Variants in LIMS1 observed in about 807,000 individuals in gnomAD.
LIMS1 encodes LIM zinc finger domain containing 1.
Under a neutral mutation model 44.1 loss-of-function variants are expected in LIMS1, and 18 were observed. The observed-to-expected ratio is 0.41, with a 90% CI of 0.28 to 0.61. The LOEUF (loss-of-function observed/expected upper bound fraction) is 0.61, where lower values mean the gene tolerates loss of function less well. Among genes scored for constraint, LIMS1 ranks in the 20% least tolerant of loss-of-function variants. LIMS1 has a pLI of 0.32. For missense variants in LIMS1, 201 were observed against 422.0 expected (o/e 0.48, Z 4.59); for synonymous variants, 93 against 149.1 (o/e 0.62, Z 2.74).
At chr2:108,620,613 C>G (rs1032304203) in intron 1 of LIMS1, among the ~76,000 whole-genome samples, 2 of 152,186 alleles carry the variant, frequency 1.3e-5, no homozygotes, top group Non-Finnish European at 2.9e-5. Context: ...CCCATTCCAC[C>G]TTAAAGCCAA....
At chr2:108,617,683 C>T (rs759908591) in intron 1 of LIMS1, among the ~76,000 whole-genome samples, 9 of 152,122 alleles carry the variant, frequency 5.9e-5, no homozygotes, top group African/African-American at 2.2e-4. Flanking sequence ...AAAGGTTTCT[C>T]GGAAGAGATG....
At chr2:108,669,564 A>G (rs1445619111) in intron 2 of LIMS1, among the ~76,000 whole-genome samples, 2 of 152,188 alleles carry the variant, frequency 1.3e-5, no homozygotes, top group Non-Finnish European at 1.5e-5. Context: ...CAACTGATAC[A>G]TTAAAAATGG....
chr2:108,668,197 C>T (rs578110779), intron 2 of LIMS1, among the ~76,000 whole-genome samples: 84 of 152,186 alleles, frequency 5.5e-4, no homozygotes, highest in African/African-American at 2.0e-3. Flanking sequence ...ATTTCTTTGT[C>T]GTAAGAACAT....
At chr2:108,580,661 A>G (rs1685851099) in intron 1 of LIMS1, among the ~76,000 whole-genome samples, 1 of 152,208 alleles carries the variant, frequency 6.6e-6, no homozygotes, top group Non-Finnish European at 1.5e-5. Flanking sequence ...ATTCAGAAAC[A>G]GTTAAGAGGC....
chr2:108,547,065 G>C (rs115767134), intron 1 of LIMS1, among the ~76,000 whole-genome samples: 2,127 of 152,320 alleles, frequency 0.014, 48 homozygotes, highest in African/African-American at 0.048. Flanking sequence ...GTTTGAAGTT[G>C]TTTAATGTAA....
intron 1 of LIMS1, among the ~76,000 whole-genome samples, chr2:108,552,240 CTATA>C (rs1684771811): frequency 7.2e-6 from 1 of 138,786 alleles, no homozygotes; most frequent in Non-Finnish European, 1.5e-5. Flanking sequence ...GTTATATATA[CTATA>C]TATACTATAT....
At chr2:108,542,866 G>A (rs577516172) in intron 1 of LIMS1, among the ~76,000 whole-genome samples, 1 of 152,226 alleles carries the variant, frequency 6.6e-6, no homozygotes, top group Non-Finnish European at 1.5e-5. Context: ...CATTGGGTAA[G>A]ATTCAGTTCT....
chr2:108,612,027 T>TAAACACACACACACACACACACAC, intron 1 of LIMS1, among the ~76,000 whole-genome samples: 1 of 57,710 alleles, frequency 1.7e-5, no homozygotes, highest in Non-Finnish European at 3.3e-5. Flanking sequence ...TACACACACA[T>TAAACACACACACACACACACACAC]ATACACACAC....
intron 1 of LIMS1, among the ~76,000 whole-genome samples, chr2:108,616,909 T>G (rs1218540813): frequency 6.6e-6 from 1 of 152,212 alleles, no homozygotes. Flanking sequence ...TGGAGGGATA[T>G]TCTTGCTTTA....
Position 108,669,405 on chromosome 2 carries a change from GA to G in LIMS1, c.193-1364del, listed in dbSNP as rs111827506. ...ACTGGGCAACAGAGCGAGACTCTGG[GA>G]AAAAAAAAAAAGTTATTTTTTCTAG... On this transcript the variant is annotated intron_variant, in intron 2 of 9. Coordinates refer to ENST00000544547, the Ensembl canonical transcript of LIMS1. Among the ~76,000 whole-genome samples, 274 of 145,244 alleles carry G rather than the reference GA, an allele frequency of 1.9e-3. 1 individual carries two copies. Among genetic ancestry groups the G allele is most frequent in the South Asian group, 0.015 (71 of 4,592 alleles).
chr2:108,572,989 G>A (rs1685538436), intron 1 of LIMS1, among the ~76,000 whole-genome samples: 1 of 152,154 alleles, frequency 6.6e-6, no homozygotes, highest in African/African-American at 2.4e-5. Flanking sequence ...GTGTATGCTT[G>A]TCGGTGCTTC....
intron 1 of LIMS1, among the ~76,000 whole-genome samples, chr2:108,609,589 G>T (rs1390064710): frequency 6.6e-6 from 1 of 152,014 alleles, no homozygotes; most frequent in Non-Finnish European, 1.5e-5. Context: ...CCCTTTTCCT[G>T]GTGCCATTCT....
chr2:108,598,425 A>T (rs1446602822), intron 1 of LIMS1, among the ~76,000 whole-genome samples: 3 of 152,194 alleles, frequency 2.0e-5, no homozygotes, highest in African/African-American at 7.2e-5. Flanking sequence ...GGAAGGAGAG[A>T]CTGAGGAGTA....
At chr2:108,591,683 C>T (rs1686404591) in intron 1 of LIMS1, among the ~76,000 whole-genome samples, 6 of 151,958 alleles carry the variant, frequency 3.9e-5, no homozygotes, top group Admixed American at 6.6e-5. Context: ...TTGTCTTGAA[C>T]TCCTGGCCTC....
At position 108,552,590 on chromosome 2, in the gene LIMS1, G is replaced by GTGTGTGTGTGTGTGTA. The variant is rs1553451183; in HGVS notation, c.32+18011_32+18012insATGTGTGTGTGTGTGT. Among the ~76,000 whole-genome samples, 98 of 101,052 alleles carry GTGTGTGTGTGTGTGTA rather than the reference G, an allele frequency of 9.7e-4. 1 individual carries two copies. Among genetic ancestry groups the GTGTGTGTGTGTGTGTA allele is most frequent in the African/African-American group, 3.5e-3 (92 of 26,540 alleles). 66.3% of individuals were successfully genotyped at this position (101,052 alleles called of 152,430 possible). A position where few individuals can be genotyped will look rare whatever the true frequency, so the allele number is the denominator to read the frequency against. On this transcript the variant is annotated intron_variant, in intron 1 of 9. Coordinates refer to ENST00000544547, the Ensembl canonical transcript of LIMS1. ...GTGTATATATATATATTTTGGGTGT[G>GTGTGTGTGTGTGTGTA]TGTGTGTGTGTGTGTGTGTGTGTTT...
intron 1 of LIMS1, among the ~76,000 whole-genome samples, chr2:108,637,833 A>G (rs1431301779): frequency 6.6e-6 from 1 of 151,826 alleles, no homozygotes; most frequent in African/African-American, 2.4e-5. Context: ...TCAGAGAAAA[A>G]TCACCTAACC....
rs547506368 is a variant in LIMS1, at chr2:108,608,993, C to T, written c.33-50612C>T. 2.6e-5 allele frequency among the ~76,000 whole-genome samples: 4 copies of T among 152,242 alleles called. No individual in the cohort carries two copies. In the East Asian group the frequency reaches 7.7e-4, roughly 29 times the overall value. On this transcript the variant is annotated intron_variant, in intron 1 of 9. Transcript: ENST00000544547. ...TGCTATATTTTAACTTGCAGTTGGA[C>T]GGAGGGCACTCTGAAAGAAGTAGGG... is the stretch of plus-strand genomic sequence containing the variant.
chr2:108,677,887 T>C (rs1400094600), intron 7 of LIMS1, 92 bp from the exon 8 acceptor site: 20 of 1,525,840 alleles, frequency 1.3e-5, no homozygotes, highest in Non-Finnish European at 1.7e-5. Flanking sequence ...TAGTGATAAA[T>C]CCTCAATTTA....
intron 1 of LIMS1, among the ~76,000 whole-genome samples, chr2:108,599,154 C>T (rs1158555308): frequency 6.6e-6 from 1 of 152,050 alleles, no homozygotes; most frequent in Non-Finnish European, 1.5e-5. Flanking sequence ...TGTTTTTGTA[C>T]CCATTAACCA....
Sources: allele counts gnomAD v4.1 joint callset (sites outside exome capture counted in the v4.1 genomes callset), GRCh38; gene constraint gnomAD v4.1.1; transcripts MANE v1.5; gene names NCBI Gene and HGNC (gene_info 2026-07-23, HGNC 2026-07-21).